The following MCC variants were observed in gnomAD, a reference collection of about 807,000 sequenced individuals.
The protein encoded by MCC is MCC regulator of Wnt signaling pathway.
MCC carries 90 observed loss-of-function variants against 116.2 expected under a neutral mutation model. The ratio of observed to expected loss-of-function variants is 0.77; its 90% CI spans 0.65 to 0.92. The LOEUF is 0.92. MCC is among the 40% of genes least tolerant of loss of function. The pLI is 0.00. For synonymous variants in MCC, 578 were observed against 510.5 expected, an observed-to-expected ratio of 1.13 and a Z score of -1.78; for missense variants, 1,516 against 1,312.2, an observed-to-expected ratio of 1.16 and a Z score of -2.40.
intron 2 of MCC, among the ~76,000 whole-genome samples, chr5:113,360,120 T>C: frequency 6.6e-6 from 1 of 152,060 alleles, no homozygotes; most frequent in East Asian, 1.9e-4. Flanking sequence ...GCCAATGACA[T>C]TGTCATACCT....
intron 2 of MCC, among the ~76,000 whole-genome samples, chr5:113,379,297 G>A (rs1769058198): frequency 2.0e-5 from 3 of 152,170 alleles, no homozygotes; most frequent in African/African-American, 7.2e-5. Flanking sequence ...CTCCTGTATA[G>A]AAGGAGCATT....
chr5:113,332,990 A>T (rs1444029850), intron 3 of MCC, among the ~76,000 whole-genome samples: 1 of 151,698 alleles, frequency 6.6e-6, no homozygotes, highest in Non-Finnish European at 1.5e-5. Context: ...AAGGTAGCAG[A>T]TCTCAATAAG....
intron 1 of MCC, among the ~76,000 whole-genome samples, chr5:113,391,756 A>G (rs187310929): frequency 1.3e-5 from 2 of 151,748 alleles, no homozygotes; most frequent in Non-Finnish European, 2.9e-5. Flanking sequence ...AGGATACAGA[A>G]GTATTAGCAT....
At chr5:113,197,919 A>G (rs961808882) in intron 3 of MCC, among the ~76,000 whole-genome samples, 1 of 152,212 alleles carries the variant, frequency 6.6e-6, no homozygotes, top group African/African-American at 2.4e-5. Flanking sequence ...CACAGAGGTG[A>G]CACTCGTGTC....
At chr5:113,463,804 GA>G (rs1771820339) in intron 1 of MCC, among the ~76,000 whole-genome samples, 1 of 152,162 alleles carries the variant, frequency 6.6e-6, no homozygotes, top group Non-Finnish European at 1.5e-5. Flanking sequence ...ACGTAAATAA[GA>G]GACGAAACGT....
chr5:113,134,160 T>TC (rs1270965507), intron 5 of MCC, among the ~76,000 whole-genome samples: 4 of 152,358 alleles, frequency 2.6e-5, no homozygotes, highest in Non-Finnish European at 4.4e-5. Context: ...AGACTCAATG[T>TC]CCTAGTGCAT....
chr5:113,043,908 G>C (rs1751900963), intron 16 of MCC, among the ~76,000 whole-genome samples: 1 of 152,228 alleles, frequency 6.6e-6, no homozygotes, highest in Non-Finnish European at 1.5e-5. Flanking sequence ...GTCTAAGCAT[G>C]CCATATGCAT....
At chr5:113,027,536 G>T in intron 18 of MCC, 54 bp from the exon 19 acceptor site, 1 of 1,512,184 alleles carries the variant, frequency 6.6e-7, no homozygotes, top group South Asian at 1.2e-5. Context: ...GTAGCATCGT[G>T]ACACCATCCT....
intron 3 of MCC, among the ~76,000 whole-genome samples, chr5:113,245,106 A>G (rs1764520923): frequency 6.6e-6 from 1 of 152,096 alleles, no homozygotes; most frequent in East Asian, 1.9e-4. Context: ...AGCCCGACCA[A>G]TATGATGAAA....
chr5:113,126,970 T>C (rs1472033246), intron 5 of MCC, among the ~76,000 whole-genome samples: 1 of 152,188 alleles, frequency 6.6e-6, no homozygotes, highest in African/African-American at 2.4e-5. Flanking sequence ...GATTATTTCA[T>C]CACCCAGCCC....
chr5:113,477,054 C>T (rs535096206), intron 1 of MCC, among the ~76,000 whole-genome samples: 2 of 152,284 alleles, frequency 1.3e-5, no homozygotes, highest in South Asian at 4.1e-4. Flanking sequence ...TAATTCTGAG[C>T]CTGTTTTTCT....
At chr5:113,487,275 A>G (rs1772558322) in intron 1 of MCC, among the ~76,000 whole-genome samples, 1 of 152,098 alleles carries the variant, frequency 6.6e-6, no homozygotes, top group South Asian at 2.1e-4. Flanking sequence ...CATCACCAAG[A>G]CATAGACTAA....
At chr5:113,103,373 G>A (rs1756546856) in intron 7 of MCC, among the ~76,000 whole-genome samples, 1 of 152,184 alleles carries the variant, frequency 6.6e-6, no homozygotes, top group Non-Finnish European at 1.5e-5. Flanking sequence ...TCTCAACTCC[G>A]AGGTTGGGGC....
At chr5:113,468,991 T>C (rs1416679805) in intron 1 of MCC, among the ~76,000 whole-genome samples, 3 of 152,232 alleles carry the variant, frequency 2.0e-5, no homozygotes. Flanking sequence ...TAGTACTCTC[T>C]GATGGTAGTT....
intron 2 of MCC, among the ~76,000 whole-genome samples, chr5:113,353,982 C>A (rs531717853): frequency 6.6e-6 from 1 of 152,314 alleles, no homozygotes; most frequent in East Asian, 1.9e-4. Flanking sequence ...GAGTCAATAT[C>A]AGCAATTTGC....
At position 113,085,267 on chromosome 5, in the gene MCC, C is replaced by T. The variant is rs1755130316; in HGVS notation, c.1442G>A (p.Gly481Asp). ...QTRLQSVQAT[G>D]PSSPGRLTST... Reference sequence around the variant, plus strand: ...AGTGAGGCGGCCAGGGCTGGAGGGACCTGTGGCCTGCACGCTCTGTAGTCG... The same window carrying T: ...AGTGAGGCGGCCAGGGCTGGAGGGATCTGTGGCCTGCACGCTCTGTAGTCG... Residue 481 changes from glycine to aspartate, a missense_variant, in exon 9 of 19, where the codon GGT (glycine) becomes GAT (aspartate). Gly to Asp is a moderately conservative substitution (Grantham distance 94, BLOSUM62 -1). Transcript: ENST00000408903. The T allele has an allele frequency of 1.9e-6, 3 of 1,613,964 alleles. No homozygotes were observed. The highest frequency in any genetic ancestry group is 2.7e-5 in the African/African-American group (2 of 74,876).
At chr5:113,223,023 G>A (rs1175348722) in intron 3 of MCC, among the ~76,000 whole-genome samples, 1 of 152,220 alleles carries the variant, frequency 6.6e-6, no homozygotes, top group Non-Finnish European at 1.5e-5. Context: ...AGCTTTGCCA[G>A]ACTACTGTGA....
chr5:113,274,909 C>T (rs1017364416), intron 3 of MCC, among the ~76,000 whole-genome samples: 2 of 152,152 alleles, frequency 1.3e-5, no homozygotes, highest in African/African-American at 4.8e-5. Flanking sequence ...CACTGAATGA[C>T]ATTTCTGGCT....
At chr5:113,202,787 T>A (rs199909235) in intron 3 of MCC, among the ~76,000 whole-genome samples, 8 of 139,898 alleles carry the variant, frequency 5.7e-5, no homozygotes, top group Non-Finnish European at 1.2e-4. Flanking sequence ...GCCCTTTATT[T>A]AAAAAAAAAA....
Sources: gnomAD v4.1 joint callset for allele counts (sites outside exome capture counted in the v4.1 genomes callset) on GRCh38, gnomAD v4.1.1 for gene constraint, MANE v1.5 for transcripts, NCBI Gene and HGNC (gene_info 2026-07-23, HGNC 2026-07-21) for gene names.